Variants in NEO1 observed in about 807,000 individuals in gnomAD.
NEO1 encodes the protein neogenin.
Under a neutral mutation model 159.7 loss-of-function variants are expected in NEO1, and 63 were observed. The observed-to-expected ratio is 0.39, with a 90% CI of 0.32 to 0.49. The LOEUF is 0.49. Among genes scored for constraint, NEO1 ranks in the 20% least tolerant of loss-of-function variants. The pLI is 0.85. For missense variants in NEO1, 1,615 were observed against 1,831.0 expected, an observed-to-expected ratio of 0.88 and a Z score of 2.15; for synonymous variants, 633 against 662.0, an observed-to-expected ratio of 0.96 and a Z score of 0.67.
intron 5 of NEO1, among the ~76,000 whole-genome samples, chr15:73,142,613 G>C (rs1399338172): frequency 6.6e-6 from 1 of 152,044 alleles, no homozygotes; most frequent in African/African-American, 2.4e-5. Flanking sequence ...CTTTCAAAAG[G>C]CAGAGGATTT....
intron 7 of NEO1, among the ~76,000 whole-genome samples, chr15:73,184,967 G>A (rs2035837611): frequency 6.6e-6 from 1 of 151,978 alleles, no homozygotes; most frequent in Non-Finnish European, 1.5e-5. Context: ...AAAAAGAAAT[G>A]AGCTGTCAAA....
At chr15:73,166,795 C>T (rs1347710201) in intron 5 of NEO1, among the ~76,000 whole-genome samples, 3 of 152,120 alleles carry the variant, frequency 2.0e-5, no homozygotes, top group Non-Finnish European at 4.4e-5. Flanking sequence ...ATATTCAGTC[C>T]TCAGTTCCCC....
At chr15:73,066,438 A>G (rs1033011236) in intron 1 of NEO1, among the ~76,000 whole-genome samples, 9 of 133,888 alleles carry the variant, frequency 6.7e-5, no homozygotes, top group Non-Finnish European at 1.3e-4. Context: ...TTTTGCTTTT[A>G]TGTCTGTTTT....
intron 7 of NEO1, among the ~76,000 whole-genome samples, chr15:73,236,034 A>G (rs2039153148): frequency 6.6e-6 from 1 of 152,288 alleles, no homozygotes; most frequent in Admixed American, 6.5e-5. Flanking sequence ...TCCCTTGCCC[A>G]TAACCATTAT....
rs10623352 is a variant in NEO1, at chr15:73,259,370, A to ATTTTTT, written c.2203+504_2203+509dup. Among the ~76,000 whole-genome samples the ATTTTTT allele has an allele frequency of 2.0e-3, 267 of 135,574 alleles. 12 individuals are homozygous for ATTTTTT. Among genetic ancestry groups the ATTTTTT allele is most frequent in the South Asian group, 0.012 (47 of 4,050 alleles). 88.9% of individuals were successfully genotyped at this position (135,574 alleles called of 152,430 possible). ...TCTTGTTCTGAGTCTCATTTTACTA[A>ATTTTTT]TTTTTTTTTTTTTTTGAAAAGGGAT... is the stretch of plus-strand genomic sequence containing the variant. On this transcript the variant is annotated intron_variant, in intron 14 of 28. Transcript: ENST00000261908.
chr15:73,142,366 T>C (rs2032478623), intron 5 of NEO1, among the ~76,000 whole-genome samples: 1 of 152,100 alleles, frequency 6.6e-6, no homozygotes, highest in African/African-American at 2.4e-5. Flanking sequence ...TGGGCTTTCA[T>C]TGGGTGGTTA....
chr15:73,158,233 T>TTTTA (rs1176013258), intron 5 of NEO1, among the ~76,000 whole-genome samples: 1 of 131,780 alleles, frequency 7.6e-6, no homozygotes, highest in East Asian at 2.2e-4. Context: ...TTTTTTTTTT[T>TTTTA]ACAATTTTTT....
At chr15:73,138,357 ACAAGATCTCT>A (rs1189873013) in intron 5 of NEO1, among the ~76,000 whole-genome samples, 3 of 152,240 alleles carry the variant, frequency 2.0e-5, no homozygotes, top group African/African-American at 7.2e-5. Context: ...AAATTATCAC[ACAAGATCTCT>A]GAAGGTTTGC....
chr15:73,070,326 G>C lies in NEO1; in HGVS notation c.130+17521G>C, dbSNP rs140536378. On this transcript the variant is annotated intron_variant, in intron 1 of 28. Transcript: ENST00000261908. Reference sequence around the variant, plus strand: ...GGCTTTCACACTTGTTCAGGTGTTAGAACATCTGGAAGTAGTGGTATACTT... The same window carrying C: ...GGCTTTCACACTTGTTCAGGTGTTACAACATCTGGAAGTAGTGGTATACTT... Among the ~76,000 whole-genome samples the C allele has an allele frequency of 1.8e-3, 270 of 152,262 alleles. 1 individual carries two copies. The highest frequency in any genetic ancestry group is 6.3e-3 in the African/African-American group (263 of 41,548).
At chr15:73,215,917 C>T (rs184475051) in intron 7 of NEO1, among the ~76,000 whole-genome samples, 1 of 151,766 alleles carries the variant, frequency 6.6e-6, no homozygotes, top group East Asian at 1.9e-4. Flanking sequence ...TTGTCCTGGA[C>T]ATTTTTTTTG....
In NEO1 at chr15:73,183,232, G is replaced by T. The variant is rs141639204; in HGVS notation, c.1291+4805G>T. On this transcript the variant is annotated intron_variant, in intron 7 of 28. Transcript: ENST00000261908. ...GAGAATGATGCAGAGAGGCCTTTGT[G>T]CCTGGGAGACAGGACAAAGGCCTTC... Among the ~76,000 whole-genome samples, 45 of 152,198 alleles carry T rather than the reference G, an allele frequency of 3.0e-4. No homozygotes were observed. The East Asian group carries it at 8.7e-3, about 30-fold the overall frequency.
chr15:73,117,590 C>T (rs1050188607), intron 2 of NEO1, among the ~76,000 whole-genome samples: 2 of 152,182 alleles, frequency 1.3e-5, no homozygotes, highest in Admixed American at 1.3e-4. Context: ...CTTGGTGAAA[C>T]GCCCACGTGT....
chr15:73,212,773 C>T (rs979923003), intron 7 of NEO1, among the ~76,000 whole-genome samples: 21 of 150,776 alleles, frequency 1.4e-4, no homozygotes, highest in African/African-American at 4.4e-4. Flanking sequence ...AAAGGAAAAA[C>T]AAGGGAATGA....
chr15:73,106,648 A>T (rs546960202), intron 1 of NEO1, among the ~76,000 whole-genome samples: 19 of 152,310 alleles, frequency 1.2e-4, no homozygotes, highest in African/African-American at 4.3e-4. Context: ...AAGGAACCAG[A>T]CTAACTTGAT....
intron 7 of NEO1, among the ~76,000 whole-genome samples, chr15:73,234,736 A>G (rs371567597): frequency 2.0e-5 from 3 of 150,540 alleles, no homozygotes; most frequent in Non-Finnish European, 4.4e-5. Flanking sequence ...AAGGGAGGAG[A>G]AAAAAAAAGG....
chr15:73,199,068 T>G (rs1242469733), intron 7 of NEO1, among the ~76,000 whole-genome samples: 1 of 149,500 alleles, frequency 6.7e-6, no homozygotes, highest in African/African-American at 2.5e-5. Context: ...TCATTGTGTT[T>G]CATTAGATTC....
At chr15:73,268,536 G>C (rs967299057) in intron 16 of NEO1, among the ~76,000 whole-genome samples, 2 of 152,164 alleles carry the variant, frequency 1.3e-5, no homozygotes, top group Non-Finnish European at 2.9e-5. Context: ...CTACTCCTCT[G>C]TTATTTTTAG....
intron 12 of NEO1, among the ~76,000 whole-genome samples, chr15:73,254,291 C>CT (rs1019250474): frequency 1.2e-4 from 18 of 151,752 alleles, no homozygotes; most frequent in African/African-American, 4.4e-4. Context: ...TGGAAATTGT[C>CT]TAATTTCAGC....
chr15:73,052,297 C>T (rs1433015510), upstream of NEO1, among the ~76,000 whole-genome samples: 1 of 138,964 alleles, frequency 7.2e-6, no homozygotes, highest in Non-Finnish European at 1.6e-5. Context: ...GGGACTCCCG[C>T]CCCCCGCCCC....
Sources: gnomAD v4.1 joint callset for allele counts (sites outside exome capture counted in the v4.1 genomes callset) on GRCh38, gnomAD v4.1.1 for gene constraint, MANE v1.5 for transcripts, NCBI Gene and HGNC (gene_info 2026-07-23, HGNC 2026-07-21) for gene names.